GALNTL6: variants seen among roughly 807,000 people sequenced by gnomAD.
The protein encoded by GALNTL6 is polypeptide N-acetylgalactosaminyltransferase-like 6.
Under a neutral mutation model 73.7 loss-of-function variants are expected in GALNTL6, and 46 were observed. The ratio of observed to expected loss-of-function variants is 0.62; its 90% CI spans 0.49 to 0.80. The LOEUF (loss-of-function observed/expected upper bound fraction) is 0.80. Among genes scored for constraint, GALNTL6 ranks in the 30% least tolerant of loss-of-function variants. The pLI, the probability that GALNTL6 is intolerant of heterozygous loss-of-function variation, is 0.00. For missense variants in GALNTL6, 604 were observed against 755.0 expected, an observed-to-expected ratio of 0.80 and a Z score of 2.34; for synonymous variants, 259 against 263.7, an observed-to-expected ratio of 0.98 and a Z score of 0.17.
chr4:172,194,626 T>C lies in GALNTL6; in HGVS notation c.139-35030T>C, dbSNP rs372298081. ...GTAGGACCCTAGAAGCCAGAAGAGA[T>C]TGGGGAACTAACATTCAACATTCTT... On this transcript the variant is annotated intron_variant, in intron 2 of 12. Coordinates refer to ENST00000506823, the MANE Select transcript of GALNTL6 (RefSeq NM_001034845.3). Among the ~76,000 whole-genome samples the C allele has an allele frequency of 4.6e-5, 7 of 152,154 alleles. No homozygotes were observed. The East Asian group carries it at 9.6e-4, about 21-fold the overall frequency.
intron 12 of GALNTL6, among the ~76,000 whole-genome samples, chr4:173,022,758 A>T (rs1753068277): frequency 6.6e-6 from 1 of 152,396 alleles, no homozygotes; most frequent in East Asian, 1.9e-4. Context: ...AGTGAATGGT[A>T]GGAAAAATTC....
chr4:172,679,135 G>T (rs1486670304), intron 5 of GALNTL6, among the ~76,000 whole-genome samples: 1 of 152,076 alleles, frequency 6.6e-6, no homozygotes, highest in Non-Finnish European at 1.5e-5. Context: ...AGGCTGGCTG[G>T]GCACAGTGGC....
At chr4:172,727,592 G>C (rs1735895214) in intron 5 of GALNTL6, among the ~76,000 whole-genome samples, 1 of 152,058 alleles carries the variant, frequency 6.6e-6, no homozygotes, top group Non-Finnish European at 1.5e-5. Context: ...GGCCTTTAAG[G>C]AATAAATCTA....
In GALNTL6 at chr4:172,336,746, A is replaced by G. The variant is rs1428960252; in HGVS notation, c.387-11777A>G. Among the ~76,000 whole-genome samples the G allele has an allele frequency of 1.3e-5, 2 of 152,092 alleles. 1 individual carries two copies. Among genetic ancestry groups the G allele is most frequent in the Admixed American group, 1.3e-4 (2 of 15,266 alleles). On this transcript the variant is annotated intron_variant, in intron 4 of 12. Coordinates refer to ENST00000506823, the MANE Select transcript of GALNTL6 (RefSeq NM_001034845.3). ...GGTTGATTGGTGGAGTACTCTGGGG[A>G]TGTATATCAAGTACAGTTTATCAAG...
intron 5 of GALNTL6, among the ~76,000 whole-genome samples, chr4:172,470,532 G>C (rs1160267096): frequency 6.6e-6 from 1 of 152,042 alleles, no homozygotes; most frequent in Non-Finnish European, 1.5e-5. Context: ...TCAACCGAAG[G>C]CCTGAAACCT....
intron 2 of GALNTL6, among the ~76,000 whole-genome samples, chr4:171,905,702 AC>A (rs1011492681): frequency 1.3e-5 from 2 of 151,006 alleles, no homozygotes; most frequent in African/African-American, 5.0e-5. Flanking sequence ...TTTTTTCAGC[AC>A]CACACCACAC....
At chr4:172,380,854 T>A (rs1186403885) in intron 5 of GALNTL6, among the ~76,000 whole-genome samples, 1 of 152,256 alleles carries the variant, frequency 6.6e-6, no homozygotes, top group Non-Finnish European at 1.5e-5. Flanking sequence ...CTTGTCAGAT[T>A]GTTTATTCCT....
intron 9 of GALNTL6, among the ~76,000 whole-genome samples, chr4:172,942,978 A>T (rs1013139205): frequency 6.6e-6 from 1 of 152,180 alleles, no homozygotes; most frequent in Non-Finnish European, 1.5e-5. Flanking sequence ...TCAAAAAATC[A>T]ATCACGTAAA....
intron 3 of GALNTL6, among the ~76,000 whole-genome samples, chr4:172,255,624 A>G (rs1738047507): frequency 6.6e-6 from 1 of 151,414 alleles, no homozygotes; most frequent in Non-Finnish European, 1.5e-5. Flanking sequence ...GTGCATATGT[A>G]TATTCATATA....
intron 2 of GALNTL6, 82 bp from the exon 3 acceptor site, chr4:172,229,574 C>G (rs1280381952): frequency 6.8e-6 from 5 of 734,194 alleles, no homozygotes. Flanking sequence ...CTTTGATTGC[C>G]TATTATGTGC....
intron 5 of GALNTL6, among the ~76,000 whole-genome samples, chr4:172,686,288 A>C (rs905125230): frequency 6.6e-6 from 1 of 152,180 alleles, no homozygotes; most frequent in Admixed American, 6.5e-5. Context: ...GTCCTGCAAC[A>C]TCAGCAGGAC....
chr4:171,956,857 A>T (rs1438710435), intron 2 of GALNTL6, among the ~76,000 whole-genome samples: 1 of 152,048 alleles, frequency 6.6e-6, no homozygotes, highest in Non-Finnish European at 1.5e-5. Flanking sequence ...AAATATTACC[A>T]CTTCACCCAC....
chr4:172,615,772 C>T (rs1738704855), intron 5 of GALNTL6, among the ~76,000 whole-genome samples: 1 of 152,052 alleles, frequency 6.6e-6, no homozygotes, highest in Non-Finnish European at 1.5e-5. Flanking sequence ...AGCTATTTAG[C>T]CCCTTACATT....
intron 2 of GALNTL6, among the ~76,000 whole-genome samples, chr4:171,915,002 A>G (rs1005993719): frequency 3.3e-5 from 5 of 150,322 alleles, no homozygotes; most frequent in Admixed American, 2.0e-4. Flanking sequence ...TTTTCTGGAC[A>G]TGTATATATA....
chr4:171,957,994 G>A (rs1240012936), intron 2 of GALNTL6, among the ~76,000 whole-genome samples: 4 of 152,124 alleles, frequency 2.6e-5, no homozygotes, highest in Non-Finnish European at 5.9e-5. Context: ...CATGTAAAAC[G>A]TTTATGTTTT....
rs552106457 is a variant in GALNTL6 at position 172,925,023 on chromosome 4, C to T, written c.1042-6138C>T. Among the ~76,000 whole-genome samples, 63 of 152,174 alleles carry T rather than the reference C, an allele frequency of 4.1e-4. No homozygotes were observed. In the East Asian group the frequency reaches 0.011, roughly 27 times the overall value. The stretch of plus-strand genomic sequence containing the variant: ...AGTACCTGGGACTACAGGTGCCTGC[C>T]ACCACGCCCGGCTAATTTTTTTGTA... On this transcript the variant is annotated intron_variant, in intron 8 of 12. Transcript: ENST00000506823.
intron 2 of GALNTL6, among the ~76,000 whole-genome samples, chr4:172,063,490 T>C (rs187431373): frequency 6.6e-6 from 1 of 152,322 alleles, no homozygotes; most frequent in African/African-American, 2.4e-5. Context: ...TTTTGGCTTT[T>C]ATTTTTTGGT....
At chr4:172,691,142 G>A in intron 5 of GALNTL6, among the ~76,000 whole-genome samples, 1 of 152,170 alleles carries the variant, frequency 6.6e-6, no homozygotes, top group East Asian at 1.9e-4. Context: ...AGCCTTGAAG[G>A]ATGGCTGGGG....
chr4:172,400,615 A>T (rs1489843167), intron 5 of GALNTL6, among the ~76,000 whole-genome samples: 1 of 152,112 alleles, frequency 6.6e-6, no homozygotes, highest in East Asian at 1.9e-4. Context: ...CATGTTTAGA[A>T]GGTGATGCGT....
Sources: allele counts gnomAD v4.1 joint callset (sites outside exome capture counted in the v4.1 genomes callset), GRCh38; gene constraint gnomAD v4.1.1; transcripts MANE v1.5; gene names NCBI Gene and HGNC (gene_info 2026-07-23, HGNC 2026-07-21).